Variants in KCNIP1 observed in about 807,000 individuals in gnomAD.
KCNIP1 encodes potassium voltage-gated channel interacting protein 1, also known as A-type potassium channel modulatory protein KCNIP1.
A neutral mutation model predicts 33.0 loss-of-function variants in KCNIP1; 18 were observed. That is an observed-to-expected ratio of 0.55 (90% CI 0.38 to 0.81). The LOEUF (loss-of-function observed/expected upper bound fraction) is 0.81. Among genes scored for constraint, KCNIP1 ranks in the 30% least tolerant of loss-of-function variants. KCNIP1 has a pLI of 0.00. For missense variants in KCNIP1, 238 were observed against 271.6 expected, an observed-to-expected ratio of 0.88 and a Z score of 0.87; for synonymous variants, 93 against 98.3, an observed-to-expected ratio of 0.95 and a Z score of 0.32.
intron 1 of KCNIP1, among the ~76,000 whole-genome samples, chr5:170,562,274 G>A (rs911098467): frequency 2.6e-5 from 4 of 152,230 alleles, no homozygotes; most frequent in Admixed American, 2.6e-4. Context: ...CCCAGCACAA[G>A]TGTGGAGCCA....
chr5:170,724,503 T>A (rs1374468187), intron 5 of KCNIP1, among the ~76,000 whole-genome samples: 2 of 152,200 alleles, frequency 1.3e-5, no homozygotes, highest in Non-Finnish European at 2.9e-5. Flanking sequence ...TAATTCACTA[T>A]ATTTAAAGAA....
At chr5:170,471,679 A>G (rs949799978) in intron 1 of KCNIP1, among the ~76,000 whole-genome samples, 1 of 152,030 alleles carries the variant, frequency 6.6e-6, no homozygotes, top group African/African-American at 2.4e-5. Context: ...GCTGAACTGA[A>G]CTGCTGCTCA....
intron 1 of KCNIP1, among the ~76,000 whole-genome samples, chr5:170,544,748 A>G (rs142543644): frequency 0.022 from 3,272 of 152,038 alleles, 125 homozygotes; most frequent in African/African-American, 0.075. Context: ...TTTAATATAT[A>G]TATTTAGTTT....
At chr5:170,423,915 G>A (rs1006319194) in intron 1 of KCNIP1, among the ~76,000 whole-genome samples, 12 of 152,206 alleles carry the variant, frequency 7.9e-5, no homozygotes, top group African/African-American at 2.9e-4. Context: ...CTGTCTACTA[G>A]AGTTGCCAGA....
chr5:170,732,179 T>A (rs957630085), intron 5 of KCNIP1, among the ~76,000 whole-genome samples: 5 of 152,182 alleles, frequency 3.3e-5, no homozygotes, highest in Admixed American at 2.6e-4. Context: ...AGGTCAAACA[T>A]CCCAAATGCT....
chr5:170,591,467 C>T (rs1317692344), intron 1 of KCNIP1, among the ~76,000 whole-genome samples: 1 of 152,216 alleles, frequency 6.6e-6, no homozygotes, highest in Admixed American at 6.5e-5. Flanking sequence ...AGAAAATTTA[C>T]CATCTTAACC....
In KCNIP1 at chr5:170,492,646, G is replaced by A. The variant is rs185647409; in HGVS notation, c.88+138682G>A. 3.2e-4 allele frequency among the ~76,000 whole-genome samples: 49 copies of A among 152,336 alleles called. No homozygotes were observed. The East Asian group carries it at 3.7e-3, about 11-fold the overall frequency. ...CCTGAAGCTATCAAAGGCTCACCAA[G>A]AGTCACCTCACTGGAACAAAAGATG... On this transcript the variant is annotated intron_variant, in intron 1 of 7. Transcript: ENST00000377360.
chr5:170,374,179 T>C (rs916885558), intron 1 of KCNIP1, among the ~76,000 whole-genome samples: 2 of 152,230 alleles, frequency 1.3e-5, no homozygotes, highest in Non-Finnish European at 2.9e-5. Context: ...GAGGAGCTGG[T>C]ATCACTTCAG....
chr5:170,478,795 A>T (rs1047078128), intron 1 of KCNIP1, among the ~76,000 whole-genome samples: 20 of 152,332 alleles, frequency 1.3e-4, no homozygotes, highest in African/African-American at 4.6e-4. Flanking sequence ...TAGGATGTTC[A>T]AGATGCTTAG....
chr5:170,367,270 C>T (rs1763687293), intron 1 of KCNIP1, among the ~76,000 whole-genome samples: 1 of 150,654 alleles, frequency 6.6e-6, no homozygotes, highest in South Asian at 2.1e-4. Flanking sequence ...GCCACAATCA[C>T]ACCACTGCAC....
chr5:170,575,349 G>A lies in KCNIP1; in HGVS notation c.61+70716G>A, dbSNP rs149915736. ...AAATGTCCCCTTTAATAGGGCATAT[G>A]TTACTTAAGTTTAAGCAGGAAAAAT... On this transcript the variant is annotated intron_variant, in intron 1 of 7. Transcript: ENST00000328939. 3.3e-3 allele frequency among the ~76,000 whole-genome samples: 506 copies of A among 152,288 alleles called. 4 individuals carry two copies. The highest frequency in any genetic ancestry group is 0.012 in the Admixed American group (190 of 15,306).
chr5:170,379,323 G>C (rs2301146), intron 1 of KCNIP1, among the ~76,000 whole-genome samples: 2 of 151,946 alleles, frequency 1.3e-5, no homozygotes, highest in Admixed American at 1.3e-4. Context: ...GGTGAATATC[G>C]GTTTCAAAGG....
At chr5:170,492,358 G>A (rs953887602) in intron 1 of KCNIP1, among the ~76,000 whole-genome samples, 1 of 152,236 alleles carries the variant, frequency 6.6e-6, no homozygotes, top group Non-Finnish European at 1.5e-5. Context: ...TGGGGTTGGG[G>A]GATGAGGCAT....
chr5:170,565,040 G>A (rs745428250), intron 1 of KCNIP1, among the ~76,000 whole-genome samples: 46 of 152,006 alleles, frequency 3.0e-4, no homozygotes, highest in East Asian at 1.9e-4. Context: ...AAATGGCTGC[G>A]AGACCAGAGC....
At chr5:170,637,139 C>G (rs1760317475) in intron 1 of KCNIP1, among the ~76,000 whole-genome samples, 1 of 152,180 alleles carries the variant, frequency 6.6e-6, no homozygotes, top group Non-Finnish European at 1.5e-5. Context: ...TCCAGGCGTA[C>G]CCTGCATATG....
At chr5:170,561,293 C>T (rs1273849984) in intron 1 of KCNIP1, among the ~76,000 whole-genome samples, 1 of 152,218 alleles carries the variant, frequency 6.6e-6, no homozygotes, top group Non-Finnish European at 1.5e-5. Flanking sequence ...CTTGCCAGCC[C>T]TGCTGGGACC....
At chr5:170,562,109 A>G (rs1024267460) in intron 1 of KCNIP1, among the ~76,000 whole-genome samples, 4 of 152,206 alleles carry the variant, frequency 2.6e-5, no homozygotes, top group Non-Finnish European at 4.4e-5. Context: ...AAAAATAGAT[A>G]TGTGGCAAAT....
At chr5:170,422,573 C>T (rs1257062054) in intron 1 of KCNIP1, 1 of 152,174 alleles carries the variant, frequency 6.6e-6, no homozygotes, top group Non-Finnish European at 1.5e-5. Context: ...TCTGGTTTAT[C>T]TGTTTCAGGG....
At chr5:170,431,469 A>G (rs112082579) in intron 1 of KCNIP1, among the ~76,000 whole-genome samples, 295 of 152,346 alleles carry the variant, frequency 1.9e-3, no homozygotes, top group African/African-American at 6.9e-3. Flanking sequence ...AAATGGGGAA[A>G]GAAATCACAT....
Sources: gnomAD v4.1 joint callset for allele counts (sites outside exome capture counted in the v4.1 genomes callset) on GRCh38, gnomAD v4.1.1 for gene constraint, MANE v1.5 for transcripts, NCBI Gene and HGNC (gene_info 2026-07-23, HGNC 2026-07-21) for gene names.